Variants in SH3PXD2B observed in about 807,000 individuals in gnomAD.
SH3PXD2B encodes the protein SH3 and PX domain-containing protein 2B.
A neutral mutation model predicts 73.1 loss-of-function variants in SH3PXD2B; 37 were observed. That is an observed-to-expected ratio of 0.51 (90% CI 0.39 to 0.67). SH3PXD2B has a LOEUF of 0.67. Ranked by LOEUF, SH3PXD2B falls within the 30% of genes least tolerant of loss-of-function variation. The probability of loss-of-function intolerance (pLI) is 0.00; values close to 1 mark genes in which losing one functional copy is unlikely to be tolerated. For missense variants in SH3PXD2B, 1,053 were observed against 1,197.8 expected (o/e 0.88, Z 1.78); for synonymous variants, 457 against 480.5 (o/e 0.95, Z 0.64).
chr5:172,339,823 T>C lies in SH3PXD2B; in HGVS notation c.1282A>G (p.Thr428Ala), dbSNP rs763001271. The C allele has an allele frequency of 6.2e-7, 1 of 1,614,034 alleles. No homozygotes were observed. The highest frequency in any genetic ancestry group is 1.7e-5 in the Admixed American group (1 of 60,030). ...AAGTTGGGTCTCGACGCGTTGCTCG[T>C]CTTCTTGTACTTGTCAATGAAGGTG... ...PATFIDKYKK[T>A]SNASRPNFLA... is the part of the protein sequence containing the mutation. The change falls in exon 13 of 13, where the codon ACG (threonine) becomes GCG (alanine). Residue 428 changes from threonine (T) to alanine (A), a missense_variant. Physicochemically the swap from Thr to Ala is moderately conservative, Grantham distance 58 (BLOSUM62 0). Transcript: ENST00000311601. The surrounding 1 kb of genome is among the most constrained non-coding windows in gnomAD (Gnocchi z 6.1).
intron 3 of SH3PXD2B, among the ~76,000 whole-genome samples, chr5:172,396,409 T>A (rs553886536): frequency 4.0e-5 from 6 of 151,582 alleles, no homozygotes; most frequent in Admixed American, 1.3e-4. Context: ...TAGTAAGAAT[T>A]TTCATATGAC....
At chr5:172,361,762 C>A (rs1215810952) in intron 7 of SH3PXD2B, among the ~76,000 whole-genome samples, 1 of 152,148 alleles carries the variant, frequency 6.6e-6, no homozygotes, top group East Asian at 1.9e-4. Flanking sequence ...GCAGGGATGG[C>A]AACTCCTATG....
At chr5:172,368,468 T>TTA (rs1159408527) in intron 6 of SH3PXD2B, among the ~76,000 whole-genome samples, 1,774 of 12,918 alleles carry the variant, frequency 0.14, 473 homozygotes, top group African/African-American at 0.19. Flanking sequence ...TATATATATA[T>TTA]TATATATATA....
At chr5:172,426,249 C>T (rs548057566) in intron 1 of SH3PXD2B, among the ~76,000 whole-genome samples, 6 of 152,186 alleles carry the variant, frequency 3.9e-5, no homozygotes, top group Admixed American at 1.3e-4. Flanking sequence ...AATTTTTTAA[C>T]GAGAGCTGCC....
intron 2 of SH3PXD2B, among the ~76,000 whole-genome samples, chr5:172,414,919 C>G (rs13166264): frequency 0.092 from 13,928 of 152,182 alleles, 828 homozygotes; most frequent in Non-Finnish European, 0.13. Context: ...AATGCCCTCC[C>G]CCATTCGGTG....
intron 8 of SH3PXD2B, among the ~76,000 whole-genome samples, chr5:172,357,767 C>T (rs369955438): frequency 2.6e-5 from 4 of 152,166 alleles, no homozygotes; most frequent in African/African-American, 7.2e-5. Context: ...TACTGAGGGG[C>T]GTTAGCTGTA....
chr5:172,389,905 T>TG (rs200424042), intron 4 of SH3PXD2B, among the ~76,000 whole-genome samples: 1 of 152,030 alleles, frequency 6.6e-6, no homozygotes, highest in Non-Finnish European at 1.5e-5. Flanking sequence ...TTTGTAGAGA[T>TG]GGGGGTCTCA....
chr5:172,392,043 ATT>A (rs762486336), intron 4 of SH3PXD2B, among the ~76,000 whole-genome samples: 6 of 139,640 alleles, frequency 4.3e-5, no homozygotes, highest in Admixed American at 7.1e-5. Context: ...GTCTAACTTC[ATT>A]TTTTTTTTTT....
Position 172,326,541 on chromosome 5 carries a change from A to G in SH3PXD2B, c.1189-1161T>C, listed in dbSNP as rs138551492. On this transcript the variant is annotated intron_variant, in intron 12 of 12. Coordinates refer to the SH3PXD2B transcript ENST00000519643. ...TTCAGCCACAGAACAGCTTTTCATG[A>G]TCATGTTGAGGGAGGGTGTTCCATA... Among the ~76,000 whole-genome samples the G allele has an allele frequency of 9.8e-3, 1,493 of 152,274 alleles. 32 individuals carry two copies. Among genetic ancestry groups the G allele is most frequent in the African/African-American group, 0.034 (1,407 of 41,540 alleles).
chr5:172,406,974 C>T (rs1308934463), intron 2 of SH3PXD2B, among the ~76,000 whole-genome samples: 2 of 151,978 alleles, frequency 1.3e-5, no homozygotes, highest in Non-Finnish European at 2.9e-5. Flanking sequence ...AGGGCAGAGT[C>T]CCCAAAACAA....
At position 172,335,074 on chromosome 5, in the gene SH3PXD2B, CAAAG is replaced by C. The variant is rs752187652; in HGVS notation, c.*3291_*3294del. On this transcript the variant is annotated 3_prime_UTR_variant, in exon 13 of 13. Transcript: ENST00000311601. ...TGGGACGACATACACCCACCAATGG[CAAAG>C]AAAGATTCCGAGCAGAACATGTGAG... 1.0e-5 allele frequency: 10 copies of C among 985,520 alleles called. No individual in the cohort carries two copies. Among genetic ancestry groups the C allele is most frequent in the Non-Finnish European group, 1.1e-5 (9 of 830,008 alleles). The allele number at this position is 985,520 out of a possible 1,614,324, so 61.0% of individuals were successfully genotyped here.
intron 1 of SH3PXD2B, among the ~76,000 whole-genome samples, chr5:172,439,238 GAAAAAAAAAAAAGA>G (rs1192394687): frequency 1.8e-4 from 6 of 33,238 alleles, no homozygotes; most frequent in Non-Finnish European, 3.2e-4. Flanking sequence ...AGAAAAAACA[GAAAAAAAAAAAAGA>G]AAAAAAAAAA....
chr5:172,364,128 T>C (rs1406686158), intron 6 of SH3PXD2B, among the ~76,000 whole-genome samples: 2 of 151,780 alleles, frequency 1.3e-5, no homozygotes, highest in Non-Finnish European at 2.9e-5. Flanking sequence ...GACAAATAAA[T>C]GAAAAGATAA....
At chr5:172,384,304 G>A (rs1336391392) in intron 4 of SH3PXD2B, among the ~76,000 whole-genome samples, 1 of 151,988 alleles carries the variant, frequency 6.6e-6, no homozygotes, top group Non-Finnish European at 1.5e-5. Context: ...GGGATATGTT[G>A]ACCCTACACA....
chr5:172,413,601 T>C (rs1175203827), intron 2 of SH3PXD2B, among the ~76,000 whole-genome samples: 1 of 152,212 alleles, frequency 6.6e-6, no homozygotes, highest in African/African-American at 2.4e-5. Context: ...GGTCAGCCAC[T>C]CTCTGGGAAA....
At chr5:172,330,582 T>C (rs1756535241), downstream of SH3PXD2B, among the ~76,000 whole-genome samples, 1 of 152,254 alleles carries the variant, frequency 6.6e-6, no homozygotes, top group Non-Finnish European at 1.5e-5. Flanking sequence ...TAAGAAGTCC[T>C]GCAATAGACT....
At chr5:172,397,186 C>A (rs371002821) in intron 3 of SH3PXD2B, among the ~76,000 whole-genome samples, 9 of 152,220 alleles carry the variant, frequency 5.9e-5, no homozygotes, top group Non-Finnish European at 1.0e-4. Context: ...TTTATGGTTG[C>A]AGATAAGGGA....
At chr5:172,452,696 C>T (rs544025845) in intron 1 of SH3PXD2B, among the ~76,000 whole-genome samples, 1 of 152,326 alleles carries the variant, frequency 6.6e-6, no homozygotes, top group South Asian at 2.1e-4. Flanking sequence ...GCTCACAGAC[C>T]TGGTGGGAGG....
intron 5 of SH3PXD2B, among the ~76,000 whole-genome samples, chr5:172,378,168 G>A (rs1246229519): frequency 6.6e-6 from 1 of 152,156 alleles, no homozygotes; most frequent in African/African-American, 2.4e-5. Context: ...GAATGAAGAT[G>A]ACCAGACTCC....
Sources: allele counts gnomAD v4.1 joint callset (sites outside exome capture counted in the v4.1 genomes callset), GRCh38; gene constraint gnomAD v4.1.1; non-coding constraint Gnocchi (gnomAD v3.1); transcripts MANE v1.5; gene names NCBI Gene and HGNC (gene_info 2026-07-23, HGNC 2026-07-21).